The following DIP2A variants were observed in gnomAD, a reference collection of about 807,000 sequenced individuals.
DIP2A encodes DIP2 acetate--CoA ligase A, also known as disco-interacting protein 2 homolog A.
DIP2A carries 85 observed loss-of-function variants against 177.4 expected under a neutral mutation model. That is an observed-to-expected ratio of 0.48 (90% CI 0.40 to 0.57). The LOEUF (loss-of-function observed/expected upper bound fraction) is 0.57. Ranked by LOEUF, DIP2A falls within the 20% of genes least tolerant of loss-of-function variation. The probability of loss-of-function intolerance (pLI) is 0.00; values close to 1 mark genes in which losing one functional copy is unlikely to be tolerated. For missense variants in DIP2A, 1,791 were observed against 2,100.2 expected (o/e 0.85, Z 2.88); for synonymous variants, 886 against 881.8 (o/e 1.00, Z -0.08).
intron 32 of DIP2A, chr21:46,559,089 C>A (rs1268669129): frequency 8.0e-6 from 1 of 124,812 alleles, no homozygotes; most frequent in Non-Finnish European, 1.6e-5. Flanking sequence ...AGAGCGAGAC[C>A]CTGTCTCAAA....
intron 7 of DIP2A, among the ~76,000 whole-genome samples, chr21:46,511,209 A>AT (rs764156121): frequency 8.5e-5 from 13 of 152,082 alleles, no homozygotes; most frequent in Non-Finnish European, 1.5e-5. Flanking sequence ...TTTTAACTTT[A>AT]TTTCACAGCC....
At position 46,537,117 on chromosome 21, in the gene DIP2A, T is replaced by A; in HGVS notation, c.1643-107T>A. The A allele has an allele frequency of 9.4e-7, 1 of 1,063,674 alleles. No individual in the cohort carries two copies. The highest frequency in any genetic ancestry group is 1.5e-6 in the Non-Finnish European group (1 of 680,498). The allele number at this position is 1,063,674 out of a possible 1,614,324, so 65.9% of individuals were successfully genotyped here. ...TATTTGGAAATGCTGTATCTGTTCC[T>A]GAAACTTACATGTTGATGACGTACT... On this transcript the variant is annotated intron_variant, in intron 13 of 37. Coordinates refer to ENST00000417564, the MANE Select transcript of DIP2A (RefSeq NM_015151.4). The surrounding 1 kb of genome is among the most constrained non-coding windows in gnomAD (Gnocchi z 4.1).
At chr21:46,550,333 C>T (rs1407265584) in intron 22 of DIP2A, among the ~76,000 whole-genome samples, 1 of 152,198 alleles carries the variant, frequency 6.6e-6, no homozygotes, top group Non-Finnish European at 1.5e-5. Flanking sequence ...TACACAAATA[C>T]AGTGTGTGTG....
At chr21:46,462,946 A>G (rs991787333) in intron 1 of DIP2A, 2 of 152,200 alleles carry the variant, frequency 1.3e-5, no homozygotes, top group South Asian at 2.1e-4. Context: ...GTAGAATGCT[A>G]TGATTTATTT....
intron 8 of DIP2A, among the ~76,000 whole-genome samples, chr21:46,515,464 T>TATA (rs538630572): frequency 6.6e-6 from 1 of 151,874 alleles, no homozygotes; most frequent in Non-Finnish European, 1.5e-5. Context: ...TTTTTTTTTT[T>TATA]TATATATTCT....
chr21:46,460,460 T>A (rs1002007731), intron 1 of DIP2A, among the ~76,000 whole-genome samples: 9 of 152,252 alleles, frequency 5.9e-5, no homozygotes, highest in Admixed American at 4.6e-4. Flanking sequence ...ATCCATTTTT[T>A]AAATAATCTT....
At position 46,498,893 on chromosome 21, in the gene DIP2A, C is replaced by T; in HGVS notation, c.655+60C>T. 6.7e-7 allele frequency: 1 copy of T among 1,503,332 alleles called. No individual in the cohort carries two copies. The highest frequency in any genetic ancestry group is 8.9e-7 in the Non-Finnish European group (1 of 1,122,856). The allele number at this position is 1,503,332 out of a possible 1,614,324, so 93.1% of individuals were successfully genotyped here. On this transcript the variant is annotated intron_variant, in intron 5 of 37. Coordinates refer to ENST00000417564, the MANE Select transcript of DIP2A (RefSeq NM_015151.4). This position sits in a 1 kb window ranked among gnomAD's most constrained non-coding sequence, Gnocchi z 4.3. The stretch of plus-strand genomic sequence containing the variant: ...AGAGCGGGGTCAGGAGTGTCCAGGA[C>T]AGAGGAGCAGATGGAGGGCACCTGA...
the DIP2A span, among the ~76,000 whole-genome samples, chr21:46,575,874 G>T: frequency 6.6e-6 from 1 of 152,142 alleles, no homozygotes; most frequent in African/African-American, 2.4e-5. Context: ...TCTAATTATG[G>T]TTTTTGCAGA....
In DIP2A at chr21:46,556,717, A is replaced by G. The variant is rs1435767001; in HGVS notation, c.3499-222A>G. The G allele has an allele frequency of 7.5e-6, 4 of 529,866 alleles. No homozygotes were observed. The highest frequency in any genetic ancestry group is 3.2e-5 in the South Asian group (1 of 30,900). 32.8% of individuals were successfully genotyped at this position (529,866 alleles called of 1,614,324 possible). A position where few individuals can be genotyped will look rare whatever the true frequency, so the allele number is the denominator to read the frequency against. Reference sequence around the variant, plus strand: ...AAAAAGAAAAAAATTTTAAAAATTCATTACCCTGAAATTTTGTTTCAAAGA... The same window carrying G: ...AAAAAGAAAAAAATTTTAAAAATTCGTTACCCTGAAATTTTGTTTCAAAGA... On this transcript the variant is annotated intron_variant, in intron 29 of 37. Transcript: ENST00000417564. This position sits in a 1 kb window ranked among gnomAD's most constrained non-coding sequence, Gnocchi z 4.5.
At chr21:46,553,896 G>C (rs2060359997) in intron 25 of DIP2A, 1 of 307,996 alleles carries the variant, frequency 3.2e-6, no homozygotes, top group African/African-American at 2.2e-5. Flanking sequence ...ATGTGCGGTG[G>C]CTTATGCCTG....
chr21:46,510,884 C>T (rs771388091), intron 7 of DIP2A, among the ~76,000 whole-genome samples: 37 of 152,302 alleles, frequency 2.4e-4, no homozygotes, highest in African/African-American at 8.4e-4. Context: ...CCACCCGCCT[C>T]GGCCTCCCAA....
At chr21:46,539,016 G>T in intron 16 of DIP2A, 1 of 158,962 alleles carries the variant, frequency 6.3e-6, no homozygotes, top group South Asian at 1.0e-4. Context: ...TGGTTTGCCT[G>T]GGTGTCCCCC....
rs763434220 is a variant in DIP2A, at chr21:46,537,222, A to G, written c.1643-2A>G. On this transcript the variant is annotated splice_acceptor_variant, in intron 13 of 37. Transcript: ENST00000417564. LOFTEE classifies it high-confidence loss of function. The surrounding 1 kb of genome is among the most constrained non-coding windows in gnomAD (Gnocchi z 4.1). ...GGTGTCACCTTCTTTGTCCACTTGCAGCTGAAACATTAACAAACGTGCTGG... is the reference window on the plus strand; with the variant it reads ...GGTGTCACCTTCTTTGTCCACTTGCGGCTGAAACATTAACAAACGTGCTGG... The G allele has an allele frequency of 6.2e-7, 1 of 1,614,030 alleles. No individual in the cohort carries two copies. The highest frequency in any genetic ancestry group is 8.5e-7 in the Non-Finnish European group (1 of 1,179,886).
At chr21:46,516,359 T>C (rs923940137) in intron 8 of DIP2A, among the ~76,000 whole-genome samples, 1 of 152,046 alleles carries the variant, frequency 6.6e-6, no homozygotes, top group African/African-American at 2.4e-5. Context: ...GTTACACTTA[T>C]ACTTTTTCCC....
chr21:46,462,939 G>C, intron 1 of DIP2A: 1 of 152,196 alleles, frequency 6.6e-6, no homozygotes, highest in East Asian at 1.9e-4. Context: ...GGTTCTGGTA[G>C]AATGCTATGA....
chr21:46,473,478 C>G (rs889581553), intron 1 of DIP2A, among the ~76,000 whole-genome samples: 13 of 148,384 alleles, frequency 8.8e-5, no homozygotes, highest in Admixed American at 3.4e-4. Context: ...GGGGGGGGGG[C>G]CATGGCGGTG....
chr21:46,517,251 C>CT (rs1206297151), intron 8 of DIP2A, among the ~76,000 whole-genome samples: 6 of 151,238 alleles, frequency 4.0e-5, no homozygotes, highest in Admixed American at 2.0e-4. Context: ...TTCTTATTTT[C>CT]TTTTTTTTAT....
Position 46,509,447 on chromosome 21 carries a change from CA to C in DIP2A, c.904+74del. 4 of 1,536,402 alleles carry C rather than the reference CA, an allele frequency of 2.6e-6. No individual in the cohort carries two copies. In the Middle Eastern group the frequency reaches 7.0e-4, roughly 269 times the overall value. Reference sequence around the variant, plus strand: ...TGGCCACGAAGTTGAGAAACACAGGCAAATGTATATTATACATGGATATTGC... The same window carrying C: ...TGGCCACGAAGTTGAGAAACACAGGCAATGTATATTATACATGGATATTGC... On this transcript the variant is annotated intron_variant, in intron 7 of 37. Transcript: ENST00000417564.
At chr21:46,553,421 G>T (rs1263003779) in intron 25 of DIP2A, 1 of 152,350 alleles carries the variant, frequency 6.6e-6, no homozygotes, top group Non-Finnish European at 1.5e-5. Flanking sequence ...CCTGGCAGGG[G>T]ATCAGGGAGG....
Sources: gnomAD v4.1 joint callset for allele counts (sites outside exome capture counted in the v4.1 genomes callset) on GRCh38, gnomAD v4.1.1 for gene constraint, Gnocchi (gnomAD v3.1) non-coding constraint, MANE v1.5 for transcripts, NCBI Gene and HGNC (gene_info 2026-07-23, HGNC 2026-07-21) for gene names.